Variants in TGFA observed in about 807,000 individuals in gnomAD.
TGFA encodes the protein protransforming growth factor alpha.
A neutral mutation model predicts 21.7 loss-of-function variants in TGFA; 12 were observed. The observed-to-expected ratio is 0.55, with a 90% CI of 0.35 to 0.90. The LOEUF (loss-of-function observed/expected upper bound fraction) is 0.90, where lower values mean the gene tolerates loss of function less well. Ranked by LOEUF, TGFA falls within the 40% of genes least tolerant of loss-of-function variation. TGFA has a pLI of 0.01. For synonymous variants in TGFA, 79 were observed against 88.1 expected (o/e 0.90, Z 0.58); for missense variants, 178 against 210.8 (o/e 0.84, Z 0.96).
At chr2:70,468,965 C>T (rs1176098475) in intron 2 of TGFA, among the ~76,000 whole-genome samples, 2 of 152,294 alleles carry the variant, frequency 1.3e-5, no homozygotes, top group South Asian at 2.1e-4. Flanking sequence ...TGCAACTGGT[C>T]CCTGGTGTCA....
chr2:70,520,514 CA>C (rs1193901310), intron 1 of TGFA, among the ~76,000 whole-genome samples: 2,114 of 139,466 alleles, frequency 0.015, 44 homozygotes, highest in African/African-American at 0.05. Flanking sequence ...ACTCCCACTC[CA>C]AAAAAAAAAA....
chr2:70,521,124 C>T (rs1559133153), intron 1 of TGFA, among the ~76,000 whole-genome samples: 1 of 152,122 alleles, frequency 6.6e-6, no homozygotes, highest in South Asian at 2.1e-4. Context: ...GCTCCTACTA[C>T]TAGACTGACC....
At chr2:70,551,961 T>G (rs142763921) in intron 1 of TGFA, among the ~76,000 whole-genome samples, 2 of 152,282 alleles carry the variant, frequency 1.3e-5, no homozygotes, top group Non-Finnish European at 2.9e-5. Context: ...GTGCTTATCT[T>G]CATCATTTCC....
At chr2:70,536,235 A>T (rs1314481686) in intron 1 of TGFA, among the ~76,000 whole-genome samples, 1 of 152,240 alleles carries the variant, frequency 6.6e-6, no homozygotes, top group Non-Finnish European at 1.5e-5. Flanking sequence ...ACCTAACAAC[A>T]GTGTCAAAAT....
intron 1 of TGFA, among the ~76,000 whole-genome samples, chr2:70,547,542 C>T (rs1406055947): frequency 2.0e-5 from 1 of 49,274 alleles, no homozygotes; most frequent in South Asian, 4.9e-4. Flanking sequence ...GCCTCCATCT[C>T]AAGAAAAAAA....
At chr2:70,491,413 T>C (rs1671430990) in intron 2 of TGFA, among the ~76,000 whole-genome samples, 1 of 152,144 alleles carries the variant, frequency 6.6e-6, no homozygotes, top group Non-Finnish European at 1.5e-5. Flanking sequence ...CTTGGTATGA[T>C]TCAGAAGTCA....
intron 2 of TGFA, among the ~76,000 whole-genome samples, chr2:70,510,500 A>G (rs1307056763): frequency 6.6e-6 from 1 of 152,194 alleles, no homozygotes; most frequent in Non-Finnish European, 1.5e-5. Context: ...CCAATAGATG[A>G]GGAAACAAAT....
At chr2:70,536,746 G>A (rs556982255) in intron 1 of TGFA, among the ~76,000 whole-genome samples, 21 of 152,278 alleles carry the variant, frequency 1.4e-4, no homozygotes, top group Middle Eastern at 3.4e-3. Flanking sequence ...TTACAAAGAA[G>A]AGATATCTAA....
chr2:70,541,151 G>A (rs1673121413), intron 1 of TGFA, among the ~76,000 whole-genome samples: 1 of 152,160 alleles, frequency 6.6e-6, no homozygotes, highest in Non-Finnish European at 1.5e-5. Context: ...TAATAACTCA[G>A]TGGCAAGAAT....
At chr2:70,466,299 G>C (rs1446208233) in intron 2 of TGFA, among the ~76,000 whole-genome samples, 2 of 152,204 alleles carry the variant, frequency 1.3e-5, no homozygotes, top group South Asian at 4.1e-4. Context: ...ATGAGGTCAG[G>C]AGATCGAGAC....
chr2:70,529,598 C>CCCCCCA (rs1553503486), intron 1 of TGFA, among the ~76,000 whole-genome samples: 1 of 151,432 alleles, frequency 6.6e-6, no homozygotes, highest in Non-Finnish European at 1.5e-5. Context: ...TCCCCCCGCC[C>CCCCCCA]CAGTCCTAGA....
chr2:70,550,855 A>G (rs1673480047), intron 1 of TGFA, among the ~76,000 whole-genome samples: 1 of 152,280 alleles, frequency 6.6e-6, no homozygotes, highest in Admixed American at 6.5e-5. Flanking sequence ...AAAGAAAACA[A>G]AACAAAAAAA....
chr2:70,449,878 T>A lies in TGFA; in HGVS notation c.*981A>T, dbSNP rs1669997696. 6.3e-6 allele frequency: 1 copy of A among 159,538 alleles called. No homozygotes were observed. Among genetic ancestry groups the A allele is most frequent in the African/African-American group, 2.4e-5 (1 of 41,644 alleles). The allele number at this position is 159,538 out of a possible 1,614,324, so 9.9% of individuals were successfully genotyped here. A position where few individuals can be genotyped will look rare whatever the true frequency, so the allele number is the denominator to read the frequency against. Reference sequence around the variant, plus strand: ...CATTTAATCACTGAGCAGTACAATATGTATTGGGTTTATCCTGTGTAGACA... The same window carrying A: ...CATTTAATCACTGAGCAGTACAATAAGTATTGGGTTTATCCTGTGTAGACA... On this transcript the variant is annotated 3_prime_UTR_variant, in exon 6 of 6. Transcript: ENST00000295400.
intron 1 of TGFA, among the ~76,000 whole-genome samples, chr2:70,535,987 T>C (rs1304033772): frequency 2.0e-5 from 3 of 152,222 alleles, no homozygotes; most frequent in Admixed American, 1.3e-4. Context: ...AATGCTTTTT[T>C]TCTCTCTCTC....
At chr2:70,537,034 T>C (rs1378691119) in intron 1 of TGFA, among the ~76,000 whole-genome samples, 1 of 151,182 alleles carries the variant, frequency 6.6e-6, no homozygotes, top group African/African-American at 2.4e-5. Context: ...GTTTGTGGCA[T>C]CTATCCAACA....
At chr2:70,547,880 TATAG>T (rs1363604289) in intron 1 of TGFA, among the ~76,000 whole-genome samples, 2 of 148,794 alleles carry the variant, frequency 1.3e-5, no homozygotes, top group South Asian at 4.2e-4. Flanking sequence ...TATATATATC[TATAG>T]ATAGATAGTA....
At chr2:70,544,828 G>C (rs1425935352) in intron 1 of TGFA, among the ~76,000 whole-genome samples, 2 of 152,106 alleles carry the variant, frequency 1.3e-5, no homozygotes, top group African/African-American at 4.8e-5. Context: ...GAAAACAATT[G>C]AACTCATGGA....
In TGFA at chr2:70,450,724, A is replaced by G; in HGVS notation, c.*135T>C. The G allele has an allele frequency of 1.0e-6, 1 of 958,510 alleles. No homozygotes were observed. The highest frequency in any genetic ancestry group is 1.6e-6 in the Non-Finnish European group (1 of 618,892). 59.4% of individuals were successfully genotyped at this position (958,510 alleles called of 1,614,324 possible). A position where few individuals can be genotyped will look rare whatever the true frequency, so the allele number is the denominator to read the frequency against. On this transcript the variant is annotated 3_prime_UTR_variant, in exon 6 of 6. Transcript: ENST00000295400. ...TGACAGAGTTTTGAAGGCCCACAAA[A>G]GGCTGCACAGGTGATTACAGGCCAA... is the stretch of plus-strand genomic sequence containing the variant.
At chr2:70,548,163 G>A (rs1673374847) in intron 1 of TGFA, among the ~76,000 whole-genome samples, 1 of 152,114 alleles carries the variant, frequency 6.6e-6, no homozygotes, top group Admixed American at 6.6e-5. Context: ...GAATTTTTCA[G>A]GATTAACATG....
Sources: gnomAD v4.1 joint callset for allele counts (sites outside exome capture counted in the v4.1 genomes callset) on GRCh38, gnomAD v4.1.1 for gene constraint, MANE v1.5 for transcripts, NCBI Gene and HGNC (gene_info 2026-07-23, HGNC 2026-07-21) for gene names.